The following ODF2 variants were observed in gnomAD, a reference collection of about 807,000 sequenced individuals.
The protein encoded by ODF2 is outer dense fiber protein 2.
A neutral mutation model predicts 110.2 loss-of-function variants in ODF2; 47 were observed. The observed-to-expected ratio is 0.43, with a 90% CI of 0.34 to 0.54. The LOEUF is 0.54. Among genes scored for constraint, ODF2 ranks in the 20% least tolerant of loss-of-function variants. The pLI is 0.03. For synonymous variants in ODF2, 352 were observed against 397.7 expected, an observed-to-expected ratio of 0.89 and a Z score of 1.37; for missense variants, 812 against 1,054.5, an observed-to-expected ratio of 0.77 and a Z score of 3.19.
chr9:128,487,458 G>A (rs1843593421), intron 13 of ODF2, among the ~76,000 whole-genome samples: 1 of 152,080 alleles, frequency 6.6e-6, no homozygotes, highest in South Asian at 2.1e-4. Context: ...TGAGAACGCT[G>A]GGTCCCACAC....
chr9:128,464,386 C>A (rs1333790744), intron 4 of ODF2, among the ~76,000 whole-genome samples: 1 of 151,792 alleles, frequency 6.6e-6, no homozygotes, highest in Admixed American at 6.6e-5. Context: ...GAACTCTTGA[C>A]CTCGTGATCC....
At chr9:128,456,972 C>G (rs1835029419) in intron 1 of ODF2, 2 of 1,241,636 alleles carry the variant, frequency 1.6e-6, no homozygotes, top group Non-Finnish European at 2.0e-6. Context: ...CCGCGGCTCC[C>G]TGCGCGGTTC....
At chr9:128,496,742 CATCT>C (rs397948191) in intron 18 of ODF2, among the ~76,000 whole-genome samples, 12 of 151,202 alleles carry the variant, frequency 7.9e-5, no homozygotes, top group African/African-American at 2.7e-4. Flanking sequence ...ATCTATCTAT[CATCT>C]ATCTATCATG....
At chr9:128,488,152 G>T in intron 14 of ODF2, 127 bp downstream of exon 14, 1 of 1,138,574 alleles carries the variant, frequency 8.8e-7, no homozygotes, top group Non-Finnish European at 1.2e-6. Context: ...ATTTGACCAG[G>T]CATGGTGGCT....
upstream of ODF2, among the ~76,000 whole-genome samples, chr9:128,455,695 C>G (rs1193962960): frequency 6.6e-6 from 1 of 150,906 alleles, no homozygotes; most frequent in Non-Finnish European, 1.5e-5. Context: ...CCGGGGAATG[C>G]GCAGAAGCCG....
At chr9:128,457,959 CT>C (rs1290101664) in intron 2 of ODF2, among the ~76,000 whole-genome samples, 2 of 148,548 alleles carry the variant, frequency 1.3e-5, no homozygotes, top group Non-Finnish European at 3.0e-5. Flanking sequence ...TTTTTTTCCC[CT>C]CTTTTTAAAA....
chr9:128,488,652 C>T (rs1205974600), intron 14 of ODF2, among the ~76,000 whole-genome samples: 4 of 152,206 alleles, frequency 2.6e-5, no homozygotes, highest in South Asian at 4.1e-4. Flanking sequence ...TGGGCCCCTT[C>T]ACAGGCATTA....
chr9:128,474,164 G>A lies in ODF2; in HGVS notation c.843+423G>A, dbSNP rs183316859. Reference sequence around the variant, plus strand: ...ACTTGAGGTCAGGAGTTCGAGAACAGCCTGGCCAACATAGTGAAACTCCAT... The same window carrying A: ...ACTTGAGGTCAGGAGTTCGAGAACAACCTGGCCAACATAGTGAAACTCCAT... On this transcript the variant is annotated intron_variant, in intron 8 of 20. Coordinates refer to ENST00000604420, the Ensembl canonical transcript of ODF2. 4.6e-5 allele frequency among the ~76,000 whole-genome samples: 7 copies of A among 152,260 alleles called. 1 individual carries two copies. In the East Asian group the frequency reaches 1.4e-3, roughly 29 times the overall value.
intron 3 of ODF2, chr9:128,460,022 T>A (rs1432175987): frequency 1.5e-6 from 1 of 678,508 alleles, no homozygotes; most frequent in African/African-American, 1.8e-5. Context: ...CATGTTTTCT[T>A]TAGAATCTAG....
At chr9:128,456,423 C>A in intron 1 of ODF2, 168 bp downstream of exon 1, 1 of 1,484,630 alleles carries the variant, frequency 6.7e-7, no homozygotes, top group African/African-American at 1.5e-5. Context: ...CCGCCCCGCC[C>A]ACCGGCGCGG....
exon 21 of ODF2, chr9:128,500,200 C>T: frequency 6.2e-7 from 1 of 1,614,186 alleles, no homozygotes; most frequent in South Asian, 1.1e-5. Flanking sequence ...GGGGATGGTC[C>T]CTATTCCACC....
At chr9:128,461,138 A>AG in intron 4 of ODF2, 71 bp downstream of exon 4, 3 of 1,557,068 alleles carry the variant, frequency 1.9e-6, no homozygotes, top group Non-Finnish European at 2.6e-6. Context: ...CCTCGGTATG[A>AG]TTCAGGGTCA....
intron 20 of ODF2, among the ~76,000 whole-genome samples, chr9:128,499,393 C>G (rs1392879692): frequency 6.6e-6 from 1 of 152,024 alleles, no homozygotes; most frequent in Non-Finnish European, 1.5e-5. Flanking sequence ...TCATATGATC[C>G]CCACCCCACC....
chr9:128,456,267 C>G lies in ODF2; in HGVS notation c.-209+12C>G, dbSNP rs907135024. On this transcript the variant is annotated intron_variant, in intron 1 of 20. Transcript: ENST00000604420. ...CCGTGTCGCTCCTGGTGAGAGGCCG[C>G]CGGCAGGCGGGATCCAGCGCCCTCC... 77 of 1,530,514 alleles carry G rather than the reference C, an allele frequency of 5.0e-5. No homozygotes were observed. In the Admixed American group the frequency reaches 8.0e-4, roughly 16 times the overall value. 94.8% of individuals were successfully genotyped at this position (1,530,514 alleles called of 1,614,324 possible).
intron 4 of ODF2, chr9:128,468,859 G>A (rs555183702): frequency 5.0e-5 from 13 of 257,552 alleles, no homozygotes; most frequent in East Asian, 3.8e-4. Context: ...ACAAGGTCTC[G>A]CTATGTTGCT....
intron 13 of ODF2, 86 bp from the exon 14 acceptor site, chr9:128,487,804 A>AAC (rs5900801): frequency 0.026 from 2,069 of 78,608 alleles, 11 homozygotes; most frequent in African/African-American, 0.16. Context: ...AAACAAACAA[A>AAC]ACACACACAC....
At chr9:128,473,488 G>T in intron 7 of ODF2, 122 bp from the exon 8 acceptor site, 4 of 1,474,550 alleles carry the variant, frequency 2.7e-6, no homozygotes, top group Admixed American at 2.1e-5. Flanking sequence ...GATCACCTTG[G>T]CACTGTACAC....
At chr9:128,492,239 A>G (rs1297054543) in intron 14 of ODF2, among the ~76,000 whole-genome samples, 187 bp from the exon 15 acceptor site, 1 of 151,218 alleles carries the variant, frequency 6.6e-6, no homozygotes, top group Non-Finnish European at 1.5e-5. Flanking sequence ...ATTTATTTGC[A>G]TCTCTATTCA....
intron 4 of ODF2, among the ~76,000 whole-genome samples, chr9:128,462,015 C>G (rs1441129080): frequency 3.9e-5 from 6 of 152,022 alleles, no homozygotes; most frequent in African/African-American, 1.4e-4. Context: ...CACTAATAAT[C>G]AGTGAAATGT....
Sources: gnomAD v4.1 joint callset for allele counts (sites outside exome capture counted in the v4.1 genomes callset) on GRCh38, gnomAD v4.1.1 for gene constraint, MANE v1.5 for transcripts, NCBI Gene and HGNC (gene_info 2026-07-23, HGNC 2026-07-21) for gene names.